TENM2: variants seen among roughly 807,000 people sequenced by gnomAD.
TENM2 encodes the protein teneurin-2.
A neutral mutation model predicts 245.2 loss-of-function variants in TENM2; 52 were observed. That is an observed-to-expected ratio of 0.21 (90% CI 0.17 to 0.27). TENM2 has a LOEUF of 0.27. Among genes scored for constraint, TENM2 ranks in the 10% least tolerant of loss-of-function variants. The probability of loss-of-function intolerance (pLI) is 1.00; values close to 1 mark genes in which losing one functional copy is unlikely to be tolerated. For synonymous variants in TENM2, 1,363 were observed against 1,438.9 expected, an observed-to-expected ratio of 0.95 and a Z score of 1.19; for missense variants, 3,046 against 3,666.8, an observed-to-expected ratio of 0.83 and a Z score of 4.37.
chr5:168,233,453 T>C (rs181973157), intron 25 of TENM2, among the ~76,000 whole-genome samples: 9 of 152,316 alleles, frequency 5.9e-5, no homozygotes, highest in Admixed American at 3.9e-4. Flanking sequence ...CAAAGAAAGA[T>C]GTAATAACTG....
chr5:167,371,334 G>GT (rs768614312), intron 1 of TENM2, among the ~76,000 whole-genome samples: 5,034 of 128,866 alleles, frequency 0.039, 318 homozygotes, highest in African/African-American at 0.13. Flanking sequence ...ATGGCTCCCT[G>GT]TTTTTTTTTT....
chr5:167,405,074 T>C (rs11742145), intron 2 of TENM2, among the ~76,000 whole-genome samples: 63,771 of 152,120 alleles, frequency 0.42, 14,436 homozygotes, highest in Non-Finnish European at 0.49. Flanking sequence ...TCATTTAGCA[T>C]GATGTTCTTG....
chr5:167,210,271 C>A, the TENM2 span, among the ~76,000 whole-genome samples: 1 of 152,148 alleles, frequency 6.6e-6, no homozygotes, highest in Non-Finnish European at 1.5e-5. Flanking sequence ...TTTCTTACCA[C>A]CTTACTGTGC....
chr5:167,647,706 A>G (rs960515588), intron 2 of TENM2, among the ~76,000 whole-genome samples: 2 of 152,158 alleles, frequency 1.3e-5, no homozygotes, highest in Non-Finnish European at 2.9e-5. Context: ...AGGGGCAAAC[A>G]TTCTCAAGGA....
intron 1 of TENM2, among the ~76,000 whole-genome samples, chr5:167,304,186 A>T (rs1216482726): frequency 2.0e-5 from 3 of 152,202 alleles, no homozygotes; most frequent in African/African-American, 7.2e-5. Context: ...TAAGAAGCTG[A>T]TGATAAATGC....
intron 9 of TENM2, among the ~76,000 whole-genome samples, chr5:168,106,707 A>G (rs1052511356): frequency 6.6e-6 from 1 of 152,136 alleles, no homozygotes; most frequent in African/African-American, 2.4e-5. Context: ...ACCCAAGTAA[A>G]CTTTTCAGGA....
At chr5:168,076,793 C>A (rs1791516174) in intron 7 of TENM2, among the ~76,000 whole-genome samples, 1 of 152,204 alleles carries the variant, frequency 6.6e-6, no homozygotes, top group African/African-American at 2.4e-5. Flanking sequence ...CTTAGGCCTT[C>A]TAAGTGAAAC....
chr5:167,063,146 T>G, the TENM2 span, among the ~76,000 whole-genome samples: 1 of 152,122 alleles, frequency 6.6e-6, no homozygotes, highest in Non-Finnish European at 1.5e-5. Flanking sequence ...TAAGAATGTC[T>G]TTTGCCCTCA....
At chr5:167,353,511 T>TG (rs1319412129) in intron 1 of TENM2, among the ~76,000 whole-genome samples, 1 of 121,066 alleles carries the variant, frequency 8.3e-6, no homozygotes, top group Non-Finnish European at 1.8e-5. Context: ...TTTTTTTTTT[T>TG]TTTTTTTTTT....
intron 2 of TENM2, among the ~76,000 whole-genome samples, chr5:167,421,738 A>G (rs767639156): frequency 6.6e-5 from 10 of 152,166 alleles, no homozygotes; most frequent in Non-Finnish European, 8.8e-5. Flanking sequence ...TGAATATAAC[A>G]TGAGCTAGTA....
intron 2 of TENM2, among the ~76,000 whole-genome samples, chr5:167,568,890 A>T (rs1774086690): frequency 6.6e-6 from 1 of 152,026 alleles, no homozygotes; most frequent in Non-Finnish European, 1.5e-5. Context: ...AAAGAATTAA[A>T]GGTGATTAAA....
chr5:167,511,540 T>G (rs1222681003), intron 2 of TENM2, among the ~76,000 whole-genome samples: 1 of 152,178 alleles, frequency 6.6e-6, no homozygotes, highest in East Asian at 1.9e-4. Context: ...AAATACAATC[T>G]TAAGGGCCCT....
chr5:167,540,892 A>T (rs1437147671), intron 2 of TENM2, among the ~76,000 whole-genome samples: 2 of 152,230 alleles, frequency 1.3e-5, no homozygotes, highest in African/African-American at 4.8e-5. Flanking sequence ...GTAGATAAAG[A>T]GTAAAAGTCA....
At chr5:167,685,541 T>C (rs1041943163) in intron 2 of TENM2, among the ~76,000 whole-genome samples, 1 of 152,250 alleles carries the variant, frequency 6.6e-6, no homozygotes, top group African/African-American at 2.4e-5. Flanking sequence ...CAGTGGTTGA[T>C]ACTGCTGGTT....
chr5:168,256,640 G>T (rs906998238), intron 27 of TENM2, among the ~76,000 whole-genome samples: 5 of 152,086 alleles, frequency 3.3e-5, no homozygotes, highest in Admixed American at 6.6e-5. Context: ...GGCCAGGCTG[G>T]TCTTGAACTC....
At chr5:167,224,572 G>A in the TENM2 span, among the ~76,000 whole-genome samples, 1 of 151,984 alleles carries the variant, frequency 6.6e-6, no homozygotes, top group Non-Finnish European at 1.5e-5. Context: ...CCAACATCAT[G>A]CTGTTTTGTT....
intron 2 of TENM2, among the ~76,000 whole-genome samples, chr5:167,778,223 T>C (rs575287203): frequency 1.3e-5 from 2 of 152,312 alleles, no homozygotes; most frequent in African/African-American, 4.8e-5. Flanking sequence ...CCCTGAGATA[T>C]GAATCCACAT....
At chr5:167,848,586 G>A (rs1770274781) in intron 2 of TENM2, among the ~76,000 whole-genome samples, 2 of 152,198 alleles carry the variant, frequency 1.3e-5, no homozygotes, top group African/African-American at 4.8e-5. Context: ...GAATAGACTT[G>A]TATGTTTCTA....
intron 2 of TENM2, among the ~76,000 whole-genome samples, chr5:167,781,846 G>C (rs979910346): frequency 1.3e-5 from 2 of 151,096 alleles, no homozygotes; most frequent in South Asian, 4.2e-4. Context: ...ACAAAACCCT[G>C]TCCCTACCAA....
Sources: allele counts gnomAD v4.1 joint callset (sites outside exome capture counted in the v4.1 genomes callset), GRCh38; gene constraint gnomAD v4.1.1; transcripts MANE v1.5; gene names NCBI Gene and HGNC (gene_info 2026-07-23, HGNC 2026-07-21).